PGAP1: variants seen among roughly 807,000 people sequenced by gnomAD.
PGAP1 encodes post-GPI attachment to proteins inositol deacylase 1.
Under a neutral mutation model 127.0 loss-of-function variants are expected in PGAP1, and 76 were observed. That is an observed-to-expected ratio of 0.60 (90% CI 0.50 to 0.72). The LOEUF is 0.72. Ranked by LOEUF, PGAP1 falls within the 30% of genes least tolerant of loss-of-function variation. PGAP1 has a pLI of 0.00. For missense variants in PGAP1, 982 were observed against 1,071.3 expected, an observed-to-expected ratio of 0.92 and a Z score of 1.16; for synonymous variants, 362 against 366.5, an observed-to-expected ratio of 0.99 and a Z score of 0.14.
rs1169608420 is a variant in PGAP1 at position 196,847,184 on chromosome 2, C to A, written c.1969G>T (p.Glu657Ter). Residue 657 changes from glutamate to a stop codon, truncating the protein, a stop_gained, in exon 22 of 27, where the codon GAA (glutamate) becomes TAA (stop). Transcript: ENST00000354764. LOFTEE classifies it high-confidence loss of function. ...KFLLGYKWFK[E>*]LWDVLLLPEL... ...GGTAACAATAATACATCCCACAATT[C>A]TTTAAACCATTTATACCTGTGGAGA... 2.5e-6 allele frequency: 4 copies of A among 1,611,866 alleles called. No individual in the cohort carries two copies. Among genetic ancestry groups the A allele is most frequent in the Non-Finnish European group, 3.4e-6 (4 of 1,178,764 alleles).
chr2:196,892,591 C>G (rs1236296332), intron 8 of PGAP1, among the ~76,000 whole-genome samples, 190 bp from the exon 9 acceptor site: 1 of 151,976 alleles, frequency 6.6e-6, no homozygotes, highest in Non-Finnish European at 1.5e-5. Context: ...GCATTCACAT[C>G]AAGTAAAGTA....
At chr2:196,851,596 G>A (rs934262864) in intron 20 of PGAP1, among the ~76,000 whole-genome samples, 3 of 152,096 alleles carry the variant, frequency 2.0e-5, no homozygotes, top group Non-Finnish European at 4.4e-5. Flanking sequence ...AGGTTGACAT[G>A]AAGAGTGTCC....
chr2:196,903,012 C>A (rs1046906359), intron 4 of PGAP1, among the ~76,000 whole-genome samples: 3 of 151,922 alleles, frequency 2.0e-5, no homozygotes, highest in African/African-American at 7.2e-5. Context: ...GATCCATAAG[C>A]AAACACATTT....
intron 17 of PGAP1, 71 bp downstream of exon 17, chr2:196,872,889 T>C: frequency 1.5e-6 from 1 of 662,646 alleles, no homozygotes; most frequent in Non-Finnish European, 2.7e-6. Flanking sequence ...ATGATTTAAA[T>C]AAATAAACTA....
intron 23 of PGAP1, among the ~76,000 whole-genome samples, 187 bp downstream of exon 23, chr2:196,845,695 G>C (rs1236408949): frequency 1.3e-5 from 2 of 151,620 alleles, no homozygotes; most frequent in Admixed American, 6.6e-5. Flanking sequence ...CCCCAACTTA[G>C]ATCAATAATT....
intron 4 of PGAP1, among the ~76,000 whole-genome samples, chr2:196,905,561 A>T (rs575271646): frequency 6.6e-6 from 1 of 152,328 alleles, no homozygotes; most frequent in African/African-American, 2.4e-5. Context: ...TACAAACAAA[A>T]TTTTCATCAA....
chr2:196,860,598 TA>T (rs1376210016), intron 20 of PGAP1, among the ~76,000 whole-genome samples: 1 of 152,124 alleles, frequency 6.6e-6, no homozygotes, highest in Non-Finnish European at 1.5e-5. Flanking sequence ...CATTTACAAT[TA>T]AATTATATCT....
chr2:196,925,933 G>C (rs553015112), intron 1 of PGAP1, among the ~76,000 whole-genome samples: 6 of 152,170 alleles, frequency 3.9e-5, no homozygotes, highest in Non-Finnish European at 8.8e-5. Context: ...ACAGCCTTGG[G>C]AACTATCTAG....
Position 196,842,764 on chromosome 2 carries a change from T to C in PGAP1, c.2587A>G (p.Met863Val), listed in dbSNP as rs771720370. 1.5e-5 allele frequency: 24 copies of C among 1,586,122 alleles called. No homozygotes were observed. The highest frequency in any genetic ancestry group is 2.3e-5 in the South Asian group (2 of 87,548). The stretch of plus-strand genomic sequence containing the variant: ...GTGTAAGTATTTCCAAGAATTGCCA[T>C]AGTCGGAATAAGGATAAATGCCAAA... ...KPLAFILIPT[M>V]AILGNTYTVS... The change falls in exon 26 of 27, where the codon ATG becomes GTG. Residue 863 changes from methionine to valine, a missense_variant. By Grantham distance (21) the Met-to-Val change is conservative. Transcript: ENST00000354764.
chr2:196,865,016 C>G lies in PGAP1; in HGVS notation c.1832G>C (p.Arg611Thr). The G allele has an allele frequency of 6.4e-7, 1 of 1,563,922 alleles. No homozygotes were observed. Among genetic ancestry groups the G allele is most frequent in the Non-Finnish European group, 8.6e-7 (1 of 1,163,254 alleles). ...YVVSNILLAY[R>T]GQLYSLFSTG... The stretch of plus-strand genomic sequence containing the variant: ...TGAGAAAAGAGAATATAACTGTCCT[C>G]TATAAGCAAGAAGGATATTAGATAC... The change falls in exon 20 of 27, where the codon AGA becomes ACA. Residue 611 changes from arginine to threonine, a missense_variant. Arg to Thr is a moderately conservative substitution (Grantham distance 71, BLOSUM62 -1). Transcript: ENST00000354764.
chr2:196,855,234 G>A (rs1298669925), intron 20 of PGAP1, among the ~76,000 whole-genome samples: 2 of 149,592 alleles, frequency 1.3e-5, no homozygotes, highest in East Asian at 3.9e-4. Flanking sequence ...GCTGAGGCAG[G>A]AGAATCACTT....
At chr2:196,902,012 G>C (rs900261215) in intron 5 of PGAP1, among the ~76,000 whole-genome samples, 3 of 151,886 alleles carry the variant, frequency 2.0e-5, no homozygotes, top group Non-Finnish European at 2.9e-5. Flanking sequence ...AAGATCCTTT[G>C]TACTTACTTT....
intron 4 of PGAP1, 62 bp downstream of exon 4, chr2:196,912,820 A>AGATT: frequency 1.4e-6 from 2 of 1,434,956 alleles, no homozygotes; most frequent in Non-Finnish European, 1.9e-6. Context: ...ATAGCCACAG[A>AGATT]GATTGATTTA....
At chr2:196,856,101 C>T (rs113211411) in intron 20 of PGAP1, among the ~76,000 whole-genome samples, 39 of 152,114 alleles carry the variant, frequency 2.6e-4, no homozygotes, top group African/African-American at 8.9e-4. Flanking sequence ...GAAACTTCTG[C>T]CTCCTGGGGT....
intron 19 of PGAP1, 128 bp from the exon 20 acceptor site, chr2:196,865,208 G>A: frequency 1.8e-6 from 1 of 558,100 alleles, no homozygotes; most frequent in Non-Finnish European, 3.2e-6. Flanking sequence ...CCAGTAATAA[G>A]TATCAAAAAC....
chr2:196,846,073 C>T, intron 22 of PGAP1, 56 bp from the exon 23 acceptor site: 1 of 1,122,120 alleles, frequency 8.9e-7, no homozygotes, highest in Non-Finnish European at 1.2e-6. Flanking sequence ...TATATAGTCA[C>T]ATATAAGAAG....
At chr2:196,850,738 GA>G (rs1023616229) in intron 20 of PGAP1, among the ~76,000 whole-genome samples, 201 of 150,978 alleles carry the variant, frequency 1.3e-3, no homozygotes, top group African/African-American at 4.6e-3. Context: ...AGAGGAAGAT[GA>G]AAAAAAGAGA....
At chr2:196,851,611 G>T (rs1700724489) in intron 20 of PGAP1, among the ~76,000 whole-genome samples, 1 of 152,096 alleles carries the variant, frequency 6.6e-6, no homozygotes, top group South Asian at 2.1e-4. Flanking sequence ...GTGTCCAGAG[G>T]TAGGACCTTG....
At position 196,920,107 on chromosome 2, in the gene PGAP1, T is replaced by C. The variant is rs1310276866; in HGVS notation, c.191A>G (p.Tyr64Cys). 6.2e-7 allele frequency: 1 copy of C among 1,612,734 alleles called. No homozygotes were observed. Among genetic ancestry groups the C allele is most frequent in the Admixed American group, 1.7e-5 (1 of 59,874 alleles). The stretch of plus-strand genomic sequence containing the variant: ...TCCCTCTCCATAAAGATACAACTCA[T>C]ATGCGGGATAGCGTTTTGCCAGTTT... Reference protein sequence around the residue: ...PKKLAKRYPAYELYLYGEGSY... With the variant: ...PKKLAKRYPACELYLYGEGSY... The change falls in exon 2 of 27, where the codon TAT (tyrosine) becomes TGT (cysteine). Residue 64 changes from tyrosine to cysteine, a missense_variant. Tyr to Cys is a radical substitution (Grantham distance 194, BLOSUM62 -2). Transcript: ENST00000354764.
Sources: allele counts gnomAD v4.1 joint callset (sites outside exome capture counted in the v4.1 genomes callset), GRCh38; gene constraint gnomAD v4.1.1; transcripts MANE v1.5; gene names NCBI Gene and HGNC (gene_info 2026-07-23, HGNC 2026-07-21).